The following LSM11 variants were observed in gnomAD, a reference collection of about 807,000 sequenced individuals.
The protein encoded by LSM11 is LSM11, U7 small nuclear RNA associated, also known as U7 snRNA-associated Sm-like protein LSm11.
A neutral mutation model predicts 28.1 loss-of-function variants in LSM11; 14 were observed. The observed-to-expected ratio is 0.50, with a 90% CI of 0.33 to 0.78. The LOEUF is 0.78. LSM11 is among the 30% of genes least tolerant of loss of function. The pLI is 0.02. For missense variants in LSM11, 495 were observed against 510.6 expected (o/e 0.97, Z 0.30); for synonymous variants, 207 against 214.2 (o/e 0.97, Z 0.30).
At chr5:157,746,934 G>A (rs1761156799) in intron 1 of LSM11, among the ~76,000 whole-genome samples, 1 of 152,058 alleles carries the variant, frequency 6.6e-6, no homozygotes, top group Non-Finnish European at 1.5e-5. Flanking sequence ...TAAAAGTATA[G>A]GAGGCTGTTG....
rs1761385614 is a variant in LSM11 at position 157,759,941 on chromosome 5, TCTA to T, written c.*4678_*4680del. On this transcript the variant is annotated 3_prime_UTR_variant, in exon 4 of 4. Transcript: ENST00000286307. ...ATGTTTGTACGTTATCTTGCACTGC[TCTA>T]ATAAAAATGAAAGCTCTCTGACAAG... The T allele has an allele frequency of 6.6e-6, 1 of 152,220 alleles. No homozygotes were observed. Among genetic ancestry groups the T allele is most frequent in the South Asian group, 2.1e-4 (1 of 4,830 alleles). 9.4% of individuals were successfully genotyped at this position (152,220 alleles called of 1,614,324 possible).
Position 157,756,669 on chromosome 5 carries a change from G to A in LSM11, c.*1405G>A, listed in dbSNP as rs1459541571. ...CCACTGGCTCATCATGCAATGAAAA[G>A]GTGAGCAGACTTAACCCCTCCGTGC... On this transcript the variant is annotated 3_prime_UTR_variant, in exon 4 of 4. Transcript: ENST00000286307. The A allele has an allele frequency of 1.3e-5, 2 of 152,454 alleles. No homozygotes were observed. The highest frequency in any genetic ancestry group is 2.9e-5 in the Non-Finnish European group (2 of 68,028). The allele number at this position is 152,454 out of a possible 1,614,324, so 9.4% of individuals were successfully genotyped here. A position where few individuals can be genotyped will look rare whatever the true frequency, so the allele number is the denominator to read the frequency against.
chr5:157,750,980 C>T (rs1761221968), intron 1 of LSM11, among the ~76,000 whole-genome samples: 1 of 152,156 alleles, frequency 6.6e-6, no homozygotes, highest in Non-Finnish European at 1.5e-5. Context: ...TGGGGTTTCA[C>T]CATGTTGGCC....
chr5:157,748,762 C>G (rs1210627835), intron 1 of LSM11, among the ~76,000 whole-genome samples: 1 of 152,132 alleles, frequency 6.6e-6, no homozygotes, highest in Non-Finnish European at 1.5e-5. Flanking sequence ...ATTTTAAAAT[C>G]AGGCTGTGAT....
intron 1 of LSM11, among the ~76,000 whole-genome samples, chr5:157,746,005 C>T (rs1300596875): frequency 1.3e-5 from 2 of 152,060 alleles, no homozygotes; most frequent in Non-Finnish European, 1.5e-5. Flanking sequence ...AATTTGTGCA[C>T]CAAACCCCAG....
chr5:157,755,458 T>G lies in LSM11; in HGVS notation c.*194T>G, dbSNP rs1373961762. The G allele has an allele frequency of 1.6e-6, 1 of 615,160 alleles. No individual in the cohort carries two copies. The highest frequency in any genetic ancestry group is 3.1e-5 in the Admixed American group (1 of 32,240). The allele number at this position is 615,160 out of a possible 1,614,324, so 38.1% of individuals were successfully genotyped here. ...GGCCTTGGGAGGGCAGGCGTTTGCA[T>G]TAATATCAAGGCAAAAAGCATTCAT... On this transcript the variant is annotated 3_prime_UTR_variant, in exon 4 of 4. Coordinates refer to ENST00000286307, the MANE Select transcript of LSM11 (RefSeq NM_173491.4).
In LSM11 at chr5:157,760,248, A is replaced by G. The variant is rs1453512681; in HGVS notation, c.*4984A>G. On this transcript the variant is annotated 3_prime_UTR_variant, in exon 4 of 4. Coordinates refer to ENST00000286307, the MANE Select transcript of LSM11 (RefSeq NM_173491.4). ...TTTTTAGAGCTGTGAAAAGTCTGAA[A>G]AATTTCAAGGGGTATTATTTAAATG... 1 of 152,196 alleles carries G rather than the reference A, an allele frequency of 6.6e-6. No individual in the cohort carries two copies. Among genetic ancestry groups the G allele is most frequent in the Non-Finnish European group, 1.5e-5 (1 of 68,034 alleles). 9.4% of individuals were successfully genotyped at this position (152,196 alleles called of 1,614,324 possible).
chr5:157,744,236 C>G, intron 1 of LSM11, 38 bp downstream of exon 1: 1 of 1,240,474 alleles, frequency 8.1e-7, no homozygotes, highest in African/African-American at 1.6e-5. Flanking sequence ...GGGCAGCCGC[C>G]GTCCGGAAGC....
At position 157,757,390 on chromosome 5, in the gene LSM11, A is replaced by T. The variant is rs1212449489; in HGVS notation, c.*2126A>T. On this transcript the variant is annotated 3_prime_UTR_variant, in exon 4 of 4. Transcript: ENST00000286307. The stretch of plus-strand genomic sequence containing the variant: ...TCACCCTTTTCTGATCATTATCAGA[A>T]AGAATCCCCTGAACTTTTCAAGGGG... 6.6e-6 allele frequency: 1 copy of T among 152,178 alleles called. No individual in the cohort carries two copies. Among genetic ancestry groups the T allele is most frequent in the Non-Finnish European group, 1.5e-5 (1 of 68,030 alleles). The allele number at this position is 152,178 out of a possible 1,614,324, so 9.4% of individuals were successfully genotyped here.
intron 1 of LSM11, 103 bp from the exon 2 acceptor site, chr5:157,751,287 A>G: frequency 7.6e-7 from 1 of 1,310,666 alleles, no homozygotes; most frequent in East Asian, 2.5e-5. Flanking sequence ...TTGTCACTCT[A>G]CCATGGGCCA....
intron 3 of LSM11, among the ~76,000 whole-genome samples, chr5:157,754,639 C>T (rs1033034239): frequency 7.0e-6 from 1 of 141,930 alleles, no homozygotes; most frequent in African/African-American, 2.7e-5. Flanking sequence ...TCGCAGTGAG[C>T]TGAGATCGCA....
In LSM11 at chr5:157,755,099, C is replaced by T; in HGVS notation, c.918C>T (p.Gly306=). The change falls in exon 4 of 4, where the codon GGC becomes GGT. Residue 306 remains glycine (G), a synonymous_variant. Transcript: ENST00000286307. ...CAGGGAGGACTACACGGACAGACGGCTCCAGTGTGGGAGGTACCTTTTCCA... is the reference window on the plus strand; with the variant it reads ...CAGGGAGGACTACACGGACAGACGGTTCCAGTGTGGGAGGTACCTTTTCCA... ...ELSGRTTRTD[G]SSVGGTFSRA... 1 of 1,614,236 alleles carries T rather than the reference C, an allele frequency of 6.2e-7. No homozygotes were observed. The highest frequency in any genetic ancestry group is 8.5e-7 in the Non-Finnish European group (1 of 1,180,036).
Position 157,744,146 on chromosome 5 carries a change from G to GGGTCCGGGTCGGAGC in LSM11, c.397_411dup (p.Gly133_Ser137dup). 6.9e-7 allele frequency: 1 copy of GGGTCCGGGTCGGAGC among 1,444,940 alleles called. No homozygotes were observed. Among genetic ancestry groups the GGGTCCGGGTCGGAGC allele is most frequent in the East Asian group, 2.9e-5 (1 of 34,508 alleles). 89.5% of individuals were successfully genotyped at this position (1,444,940 alleles called of 1,614,324 possible). ...ACGGGGCCGCAGGAGCGGGCCGGAG[G>GGGTCCGGGTCGGAGC]GGTCCGGGTCGGAGCAGGAAGGCGC... On this transcript the variant is annotated inframe_insertion, in exon 1 of 4. Coordinates refer to ENST00000286307, the MANE Select transcript of LSM11 (RefSeq NM_173491.4).
At position 157,751,388 on chromosome 5, in the gene LSM11, A is replaced by G; in HGVS notation, c.449-2A>G. The G allele has an allele frequency of 6.3e-7, 1 of 1,578,450 alleles. No homozygotes were observed. Among genetic ancestry groups the G allele is most frequent in the East Asian group, 2.3e-5 (1 of 44,264 alleles). ...GTCCTGACTGTTCTTCTCTTGTTTC[A>G]GTGCACGAAGGCAGCCCTCTGGGTG... On this transcript the variant is annotated splice_acceptor_variant, in intron 1 of 3. Coordinates refer to ENST00000286307, the MANE Select transcript of LSM11 (RefSeq NM_173491.4). LOFTEE classifies it high-confidence loss of function.
At chr5:157,746,774 G>A (rs1220487609) in intron 1 of LSM11, among the ~76,000 whole-genome samples, 1 of 152,132 alleles carries the variant, frequency 6.6e-6, no homozygotes, top group East Asian at 1.9e-4. Context: ...GTTGGGCATG[G>A]CAGCATCTGC....
chr5:157,744,843 C>G (rs1761122158), intron 1 of LSM11, among the ~76,000 whole-genome samples: 1 of 152,196 alleles, frequency 6.6e-6, no homozygotes, highest in African/African-American at 2.4e-5. Flanking sequence ...AGAAGGGCTG[C>G]AGAGTCTTGA....
At position 157,755,137 on chromosome 5, in the gene LSM11, T is replaced by C. The variant is rs758330205; in HGVS notation, c.956T>C (p.Leu319Pro). ...GGTACCTTTTCCAGGGCTACCACCC[T>C]TTCCAGAGGCCAGTCCCGTAAGAAA... The part of the protein sequence containing the change: ...VGGTFSRATT[L>P]SRGQSRKKKR... The change falls in exon 4 of 4, where the codon CTT becomes CCT. Residue 319 changes from leucine to proline, a missense_variant. Transcript: ENST00000286307. 5 of 1,614,232 alleles carry C rather than the reference T, an allele frequency of 3.1e-6. No homozygotes were observed. In the Admixed American group the frequency reaches 8.3e-5, roughly 27 times the overall value.
intron 1 of LSM11, 137 bp from the exon 2 acceptor site, chr5:157,751,253 G>A: frequency 1.1e-6 from 1 of 911,010 alleles, no homozygotes; most frequent in Non-Finnish European, 1.6e-6. Context: ...TTGCCCATTG[G>A]ACCTTCCTGT....
At position 157,755,346 on chromosome 5, in the gene LSM11, C is replaced by T. The variant is rs1211806157; in HGVS notation, c.*82C>T. ...TGTATCCTAGTATCCCAGTGAAACTCTGAGTTGGAATGATTCCCTCTGGTC... is the reference window on the plus strand; with the variant it reads ...TGTATCCTAGTATCCCAGTGAAACTTTGAGTTGGAATGATTCCCTCTGGTC... On this transcript the variant is annotated 3_prime_UTR_variant, in exon 4 of 4. Coordinates refer to ENST00000286307, the MANE Select transcript of LSM11 (RefSeq NM_173491.4). 2 of 1,432,214 alleles carry T rather than the reference C, an allele frequency of 1.4e-6. No homozygotes were observed. The highest frequency in any genetic ancestry group is 2.8e-5 in the African/African-American group (2 of 71,194). 88.7% of individuals were successfully genotyped at this position (1,432,214 alleles called of 1,614,324 possible).
Sources: gnomAD v4.1 joint callset for allele counts (sites outside exome capture counted in the v4.1 genomes callset) on GRCh38, gnomAD v4.1.1 for gene constraint, MANE v1.5 for transcripts, NCBI Gene and HGNC (gene_info 2026-07-23, HGNC 2026-07-21) for gene names.